MPP7: variants seen among roughly 807,000 people sequenced by gnomAD.
MPP7 encodes the protein MAGUK p55 subfamily member 7.
A neutral mutation model predicts 76.5 loss-of-function variants in MPP7; 60 were observed. The ratio of observed to expected loss-of-function variants is 0.78; its 90% CI spans 0.64 to 0.97. MPP7 has a LOEUF of 0.97. MPP7 is among the 50% of genes least tolerant of loss of function. MPP7 has a pLI of 0.00. For missense variants in MPP7, 641 were observed against 694.0 expected, an observed-to-expected ratio of 0.92 and a Z score of 0.86; for synonymous variants, 237 against 244.5, an observed-to-expected ratio of 0.97 and a Z score of 0.29.
intron 3 of MPP7, among the ~76,000 whole-genome samples, chr10:28,187,002 A>C (rs1837259510): frequency 6.6e-6 from 1 of 152,328 alleles, no homozygotes; most frequent in South Asian, 2.1e-4. Flanking sequence ...AACTGTTCTT[A>C]AGTCAGAGAT....
chr10:28,128,603 G>A (rs984408550), intron 6 of MPP7, among the ~76,000 whole-genome samples: 2 of 152,132 alleles, frequency 1.3e-5, no homozygotes, highest in African/African-American at 2.4e-5. Flanking sequence ...GAAAGAGAGG[G>A]ATTAAAGATA....
intron 2 of MPP7, among the ~76,000 whole-genome samples, chr10:28,209,540 C>T (rs755245080): frequency 5.3e-5 from 8 of 150,464 alleles, no homozygotes; most frequent in Non-Finnish European, 8.8e-5. Flanking sequence ...GCTTTGTTTT[C>T]GATGTTCTTT....
At chr10:28,119,560 A>G in intron 11 of MPP7, 91 bp downstream of exon 11, 1 of 961,320 alleles carries the variant, frequency 1.0e-6, no homozygotes, top group Non-Finnish European at 1.7e-6. Flanking sequence ...CTAGGGTAAT[A>G]GGACCCTTTG....
In MPP7 at chr10:28,173,667, C is replaced by T. The variant is rs544344879; in HGVS notation, c.157-23608G>A. Among the ~76,000 whole-genome samples the T allele has an allele frequency of 3.9e-5, 6 of 152,218 alleles. No individual in the cohort carries two copies. The South Asian group carries it at 1.2e-3, about 32-fold the overall frequency. On this transcript the variant is annotated intron_variant, in intron 3 of 16. Coordinates refer to ENST00000683449, the MANE Select transcript of MPP7 (RefSeq NM_001318170.2). ...CCTCAACTATTCCTTTGTAGCAACACAAAACAAAGATAACCCGCAACCCCA... is the reference window on the plus strand; with the variant it reads ...CCTCAACTATTCCTTTGTAGCAACATAAAACAAAGATAACCCGCAACCCCA...
chr10:28,194,261 G>A (rs904936740), intron 3 of MPP7, among the ~76,000 whole-genome samples: 9 of 152,056 alleles, frequency 5.9e-5, no homozygotes, highest in South Asian at 4.1e-4. Context: ...TGATCCACCC[G>A]CCTCGGCCTC....
chr10:28,321,036 C>T (rs1001001492), intron 2 of MPP7, among the ~76,000 whole-genome samples: 3 of 152,054 alleles, frequency 2.0e-5, no homozygotes, highest in Non-Finnish European at 2.9e-5. Flanking sequence ...TCCTCCCCAC[C>T]GGGGAGATAG....
In MPP7 at chr10:28,177,028, TAAAAAAAAAAAAGAAA is replaced by T. The variant is rs1239001502; in HGVS notation, c.156+25109_156+25124del. 2.2e-5 allele frequency among the ~76,000 whole-genome samples: 3 copies of T among 136,818 alleles called. No individual in the cohort carries two copies. The Admixed American group carries it at 2.2e-4, about 10-fold the overall frequency. The allele number at this position is 136,818 out of a possible 152,430, so 89.8% of individuals were successfully genotyped here. On this transcript the variant is annotated intron_variant, in intron 3 of 16. Coordinates refer to ENST00000683449, the MANE Select transcript of MPP7 (RefSeq NM_001318170.2). ...GTACCCTAGAACTTAAAGTATAATT[TAAAAAAAAAAAAGAAA>T]GAAAAGAAAAAAACAAGAATAATTG...
chr10:28,190,965 CAAGGACAATAA>C (rs1215090905), intron 3 of MPP7, among the ~76,000 whole-genome samples: 4 of 151,920 alleles, frequency 2.6e-5, no homozygotes, highest in East Asian at 1.9e-4. Flanking sequence ...GTACTGATGC[CAAGGACAATAA>C]AAGGACAATA....
At chr10:28,302,438 G>A (rs967902427) in intron 1 of MPP7, among the ~76,000 whole-genome samples, 1 of 152,302 alleles carries the variant, frequency 6.6e-6, no homozygotes, top group Middle Eastern at 3.4e-3. Context: ...CGCCTTTCTG[G>A]CTTAGGGAAA....
At chr10:28,217,570 G>C (rs1391156056) in intron 2 of MPP7, among the ~76,000 whole-genome samples, 1 of 129,604 alleles carries the variant, frequency 7.7e-6, no homozygotes, top group East Asian at 2.7e-4. Context: ...AAGAAAAACT[G>C]CATCAGGGAA....
chr10:28,171,429 ATTT>A, intron 3 of MPP7, among the ~76,000 whole-genome samples: 1 of 152,132 alleles, frequency 6.6e-6, no homozygotes, highest in Admixed American at 6.5e-5. Flanking sequence ...ACAGTTTTCT[ATTT>A]TAATAGCTGC....
intron 1 of MPP7, among the ~76,000 whole-genome samples, chr10:28,253,763 A>C (rs1178151603): frequency 1.3e-5 from 2 of 152,056 alleles, no homozygotes; most frequent in Non-Finnish European, 2.9e-5. Flanking sequence ...TCGGAGGCCA[A>C]GGCGGGTGGA....
intron 5 of MPP7, among the ~76,000 whole-genome samples, chr10:28,132,721 C>T (rs1008242206): frequency 6.6e-6 from 1 of 152,192 alleles, no homozygotes; most frequent in Non-Finnish European, 1.5e-5. Flanking sequence ...GCCTCAGCCT[C>T]CCAAGTAGCT....
At chr10:28,294,082 C>T (rs139187280) in intron 1 of MPP7, among the ~76,000 whole-genome samples, 39 of 152,116 alleles carry the variant, frequency 2.6e-4, no homozygotes, top group Non-Finnish European at 4.9e-4. Flanking sequence ...CCGAGGCGGG[C>T]GGATCATGAG....
intron 11 of MPP7, among the ~76,000 whole-genome samples, chr10:28,106,033 G>A (rs74828204): frequency 0.013 from 1,913 of 152,182 alleles, 54 homozygotes; most frequent in East Asian, 0.12. Context: ...AGATGGTCCC[G>A]TTTTCTTCTA....
chr10:28,262,164 G>A (rs1348528817), intron 1 of MPP7, among the ~76,000 whole-genome samples: 2 of 89,258 alleles, frequency 2.2e-5, no homozygotes, highest in Non-Finnish European at 4.5e-5. Flanking sequence ...AAAAGAAAAA[G>A]GAAATAAATA....
chr10:28,268,812 G>A (rs77457054), intron 1 of MPP7, among the ~76,000 whole-genome samples: 13,100 of 151,280 alleles, frequency 0.087, 1,010 homozygotes, highest in East Asian at 0.41. Flanking sequence ...CCAGCTACTC[G>A]GGAGGCTGAG....
intron 13 of MPP7, among the ~76,000 whole-genome samples, chr10:28,060,331 T>C (rs1415192028): frequency 6.6e-6 from 1 of 152,202 alleles, no homozygotes; most frequent in Non-Finnish European, 1.5e-5. Flanking sequence ...TAATTATTTA[T>C]TAACGAACTA....
chr10:28,212,131 A>G (rs890622580), intron 2 of MPP7, among the ~76,000 whole-genome samples: 78 of 152,172 alleles, frequency 5.1e-4, no homozygotes, highest in African/African-American at 1.8e-3. Context: ...AAAAAAATAA[A>G]TGAGTGAATG....
Sources: gnomAD v4.1 joint callset for allele counts (sites outside exome capture counted in the v4.1 genomes callset) on GRCh38, gnomAD v4.1.1 for gene constraint, MANE v1.5 for transcripts, NCBI Gene and HGNC (gene_info 2026-07-23, HGNC 2026-07-21) for gene names.